TNRC6B: variants seen among roughly 807,000 people sequenced by gnomAD.
TNRC6B encodes the protein trinucleotide repeat containing adaptor 6B.
TNRC6B carries 52 observed loss-of-function variants against 203.6 expected under a neutral mutation model. The observed-to-expected ratio is 0.26, with a 90% CI of 0.20 to 0.32. The LOEUF is 0.32. TNRC6B is among the 10% of genes least tolerant of loss of function. TNRC6B has a pLI of 1.00. For synonymous variants in TNRC6B, 838 were observed against 845.7 expected (o/e 0.99, Z 0.16); for missense variants, 1,923 against 2,286.2 (o/e 0.84, Z 3.24).
chr22:40,098,773 A>G (rs2068208473), intron 1 of TNRC6B, among the ~76,000 whole-genome samples: 1 of 151,944 alleles, frequency 6.6e-6, no homozygotes, highest in Non-Finnish European at 1.5e-5. Context: ...TGTCACCCAT[A>G]CTGGAGTGCA....
intron 1 of TNRC6B, among the ~76,000 whole-genome samples, chr22:40,239,005 C>T (rs1450225379): frequency 6.6e-6 from 1 of 151,998 alleles, no homozygotes; most frequent in East Asian, 1.9e-4. Flanking sequence ...GAGTTCAAGA[C>T]CAGGCCAGCC....
At chr22:40,214,266 C>G (rs1338774185) in intron 1 of TNRC6B, among the ~76,000 whole-genome samples, 1 of 151,066 alleles carries the variant, frequency 6.6e-6, no homozygotes, top group African/African-American at 2.4e-5. Context: ...GACTCCATCT[C>G]AAAAAATAAA....
intron 3 of TNRC6B, among the ~76,000 whole-genome samples, chr22:40,152,810 T>G (rs2068770957): frequency 1.3e-5 from 2 of 151,588 alleles, no homozygotes; most frequent in African/African-American, 2.4e-5. Flanking sequence ...GTAAAAAAAA[T>G]GTTTTTATGG....
intron 1 of TNRC6B, among the ~76,000 whole-genome samples, chr22:40,201,827 A>C (rs912244240): frequency 6.6e-6 from 1 of 152,092 alleles, no homozygotes; most frequent in African/African-American, 2.4e-5. Context: ...CCAGCACGAT[A>C]CTGAGAGTGC....
intron 8 of TNRC6B, among the ~76,000 whole-genome samples, chr22:40,277,521 A>G (rs73165088): frequency 0.013 from 1,906 of 152,346 alleles, 27 homozygotes; most frequent in Non-Finnish European, 0.017. Flanking sequence ...GACTAATTAC[A>G]TAGGGAATTC....
intron 3 of TNRC6B, among the ~76,000 whole-genome samples, chr22:40,150,148 C>T (rs1202170700): frequency 6.6e-6 from 1 of 152,086 alleles, no homozygotes; most frequent in East Asian, 1.9e-4. Flanking sequence ...GAGGCCAAGG[C>T]GGGCAGATCA....
At chr22:40,119,212 C>G (rs1327993273) in intron 2 of TNRC6B, among the ~76,000 whole-genome samples, 1 of 152,216 alleles carries the variant, frequency 6.6e-6, no homozygotes, top group Non-Finnish European at 1.5e-5. Flanking sequence ...TGTGCCAGGT[C>G]AAGACTATCC....
At chr22:40,109,968 A>G (rs73428241) in intron 1 of TNRC6B, among the ~76,000 whole-genome samples, 8,706 of 152,276 alleles carry the variant, frequency 0.057, 798 homozygotes, top group African/African-American at 0.19. Context: ...GATTATTCAT[A>G]TTACTATCAT....
chr22:40,295,304 C>T (rs2070923990), intron 12 of TNRC6B, among the ~76,000 whole-genome samples: 1 of 151,852 alleles, frequency 6.6e-6, no homozygotes, highest in Non-Finnish European at 1.5e-5. Context: ...GGTGAAACCC[C>T]GTCTCTATTA....
At position 40,332,601 on chromosome 22, in the gene TNRC6B, G is replaced by A. The variant is rs1357673440; in HGVS notation, c.*9360G>A. On this transcript the variant is annotated 3_prime_UTR_variant, in exon 23 of 23. Coordinates refer to ENST00000454349, the MANE Select transcript of TNRC6B (RefSeq NM_001162501.2). ...TAACAGACTTGATCACAGTCTCCTC[G>A]TGCCTGTGCAGGGCTGCACAGGCAT... The A allele has an allele frequency of 6.6e-6, 1 of 152,496 alleles. No individual in the cohort carries two copies. 9.4% of individuals were successfully genotyped at this position (152,496 alleles called of 1,614,324 possible).
chr22:40,169,130 C>CTTT (rs135632), intron 4 of TNRC6B, among the ~76,000 whole-genome samples: 33 of 109,628 alleles, frequency 3.0e-4, no homozygotes, highest in African/African-American at 4.1e-4. Context: ...TTGGAATCTT[C>CTTT]TTTTTTTTTT....
At chr22:40,186,440 A>C (rs1788225485) in intron 1 of TNRC6B, among the ~76,000 whole-genome samples, 1 of 152,058 alleles carries the variant, frequency 6.6e-6, no homozygotes, top group Admixed American at 6.6e-5. Context: ...TCCAGGAGTC[A>C]CATTAAAAAA....
intron 5 of TNRC6B, among the ~76,000 whole-genome samples, chr22:40,269,067 C>G (rs887830747): frequency 6.7e-6 from 1 of 149,026 alleles, no homozygotes; most frequent in African/African-American, 2.5e-5. Context: ...TCTCATTATA[C>G]TTATAGCTTC....
At chr22:40,158,654 G>A (rs545075481) in intron 4 of TNRC6B, among the ~76,000 whole-genome samples, 2 of 152,236 alleles carry the variant, frequency 1.3e-5, no homozygotes, top group Admixed American at 6.5e-5. Context: ...GCCATGTGTC[G>A]TATCCTTACC....
intron 20 of TNRC6B, 78 bp from the exon 21 acceptor site, chr22:40,315,864 A>T: frequency 9.1e-7 from 1 of 1,097,178 alleles, no homozygotes; most frequent in Non-Finnish European, 1.4e-6. Context: ...TGTGAGCTAC[A>T]TGAAAATCTT....
At chr22:40,124,564 G>T (rs1016247270) in intron 2 of TNRC6B, among the ~76,000 whole-genome samples, 22 of 152,034 alleles carry the variant, frequency 1.4e-4, no homozygotes, top group African/African-American at 5.3e-4. Context: ...CCATCCACCT[G>T]CCTCAGCCTC....
chr22:40,214,137 C>T (rs1051153475), intron 1 of TNRC6B, among the ~76,000 whole-genome samples: 2 of 151,948 alleles, frequency 1.3e-5, no homozygotes, highest in East Asian at 1.9e-4. Context: ...CGTGGTGGTG[C>T]GCACCTGTAG....
intron 1 of TNRC6B, among the ~76,000 whole-genome samples, chr22:40,104,209 C>A (rs1026919915): frequency 1.3e-5 from 2 of 152,088 alleles, no homozygotes; most frequent in Non-Finnish European, 2.9e-5. Context: ...GGAGATCACA[C>A]CATTGCATTC....
chr22:40,209,724 G>A (rs2069534637), intron 1 of TNRC6B, among the ~76,000 whole-genome samples: 1 of 152,114 alleles, frequency 6.6e-6, no homozygotes, highest in South Asian at 2.1e-4. Context: ...ACCTCTCTGG[G>A]ATAAAGAGAA....
Sources: allele counts gnomAD v4.1 joint callset (sites outside exome capture counted in the v4.1 genomes callset), GRCh38; gene constraint gnomAD v4.1.1; transcripts MANE v1.5; gene names NCBI Gene and HGNC (gene_info 2026-07-23, HGNC 2026-07-21).